BRWD1: variants seen among roughly 807,000 people sequenced by gnomAD.
BRWD1 encodes the protein bromodomain and WD repeat-containing protein 1.
In BRWD1, 82 loss-of-function variants were observed where a neutral mutation model predicts 251.2. The ratio of observed to expected loss-of-function variants is 0.33; its 90% confidence interval spans 0.27 to 0.39. The LOEUF is 0.39. Ranked by LOEUF, BRWD1 falls within the 10% of genes least tolerant of loss-of-function variation. The pLI, the probability that BRWD1 is intolerant of heterozygous loss-of-function variation, is 1.00. For synonymous variants in BRWD1, 918 were observed against 902.8 expected, an observed-to-expected ratio of 1.02 and a Z score of -0.30; for missense variants, 2,233 against 2,711.6, an observed-to-expected ratio of 0.82 and a Z score of 3.92.
intron 7 of BRWD1, among the ~76,000 whole-genome samples, chr21:39,294,364 A>C (rs1256450149): frequency 6.6e-6 from 1 of 152,202 alleles, no homozygotes; most frequent in Admixed American, 6.5e-5. Context: ...ACAATGGTTA[A>C]ATGTTAGTCT....
chr21:39,277,002 A>G (rs1398565119), intron 11 of BRWD1, among the ~76,000 whole-genome samples: 1 of 152,228 alleles, frequency 6.6e-6, no homozygotes, highest in Non-Finnish European at 1.5e-5. Context: ...ATCTCTAACA[A>G]TATTTTAACT....
In BRWD1 at chr21:39,196,942, T is replaced by G; in HGVS notation, c.6127A>C (p.Lys2043Gln). ...GATGTAACAGAGGAACTTTTTCTTT[T>G]AGAAGGTGCATCTATTTTGTGAATA... Reference protein sequence around the residue: ...TNIHKIDAPSKRKSSSVTSSG... With the variant: ...TNIHKIDAPSQRKSSSVTSSG... Residue 2043 changes from lysine to glutamine, a missense_variant, in exon 41 of 41, where the codon AAA (lysine) becomes CAA (glutamine). Physicochemically the swap from Lys to Gln is moderately conservative, Grantham distance 53. Transcript: ENST00000342449. The G allele has an allele frequency of 6.2e-7, 1 of 1,613,970 alleles. No homozygotes were observed. Among genetic ancestry groups the G allele is most frequent in the Non-Finnish European group, 8.5e-7 (1 of 1,179,928 alleles).
intron 14 of BRWD1, 79 bp downstream of exon 14, chr21:39,270,202 AAT>A: frequency 7.5e-7 from 1 of 1,336,170 alleles, no homozygotes; most frequent in Non-Finnish European, 1.0e-6. Context: ...CAACTTGTTC[AAT>A]ATATTATTTT....
intron 17 of BRWD1, among the ~76,000 whole-genome samples, chr21:39,261,317 A>G (rs1249337740): frequency 6.6e-6 from 1 of 152,170 alleles, no homozygotes; most frequent in Non-Finnish European, 1.5e-5. Flanking sequence ...GTTGCACAAA[A>G]ATTTGCAGAG....
At chr21:39,315,505 G>A (rs1351415058), upstream of BRWD1, among the ~76,000 whole-genome samples, 2 of 151,922 alleles carry the variant, frequency 1.3e-5, no homozygotes, top group Non-Finnish European at 2.9e-5. Context: ...GTGGCAGTGC[G>A]CGCCTCTAGT....
intron 4 of BRWD1, among the ~76,000 whole-genome samples, chr21:39,309,233 T>C (rs150349753): frequency 1.0e-3 from 156 of 150,652 alleles, no homozygotes; most frequent in African/African-American, 3.8e-3. Context: ...ATTCCAACTT[T>C]GGGAGGAGCA....
In BRWD1 at chr21:39,218,608, T is replaced by C; in HGVS notation, c.3435A>G (p.Leu1145=). 1.2e-6 allele frequency: 2 copies of C among 1,611,828 alleles called. No homozygotes were observed. Among genetic ancestry groups the C allele is most frequent in the Non-Finnish European group, 1.7e-6 (2 of 1,179,260 alleles). The change falls in exon 30 of 41, where the codon CTA becomes CTG. Residue 1145 remains leucine, a synonymous_variant. Coordinates refer to ENST00000342449, the MANE Select transcript of BRWD1 (RefSeq NM_033656.4). ...GASISVTTDE[L]EKLLYKPQAG... is the part of the protein sequence containing the mutation. The stretch of plus-strand genomic sequence containing the variant: ...CTTGTGGTTTATAGAGCAATTTCTC[T>C]AGCTCATCTGTTGTGACAGAAATAC...
Position 39,200,347 on chromosome 21 carries a change from G to A in BRWD1, c.4625C>T (p.Ser1542Leu), listed in dbSNP as rs1288341411. ...TTCCTCAGAACTACTGGAAGCTGAC[G>A]ATGACAAAGAGGTAGCTAAAGAATC... ...VEDSLATSLSSSASSSSEESK... is the reference protein window; with the variant it reads ...VEDSLATSLSLSASSSSEESK... The change falls in exon 39 of 41, where the codon TCG becomes TTG. Residue 1542 changes from serine (S) to leucine (L), a missense_variant. Ser to Leu is a moderately radical substitution (Grantham distance 145, BLOSUM62 -2). Transcript: ENST00000342449. 1.3e-5 allele frequency: 21 copies of A among 1,613,464 alleles called. No individual in the cohort carries two copies. The highest frequency in any genetic ancestry group is 1.7e-5 in the Non-Finnish European group (20 of 1,179,884).
rs368431919 is a variant in BRWD1 at position 39,203,420 on chromosome 21, C to T, written c.4365-875G>A. ...ACACCATGCACTCCAGCCTGGGCAA[C>T]AGAGCAAGACCCTGGTTCTTTTTTT... is the stretch of plus-strand genomic sequence containing the variant. On this transcript the variant is annotated intron_variant, in intron 37 of 40. Coordinates refer to ENST00000342449, the MANE Select transcript of BRWD1 (RefSeq NM_033656.4). Among the ~76,000 whole-genome samples, 338 of 140,242 alleles carry T rather than the reference C, an allele frequency of 2.4e-3. 2 individuals carry two copies. The highest frequency in any genetic ancestry group is 8.3e-3 in the African/African-American group (322 of 38,600). The allele number at this position is 140,242 out of a possible 152,430, so 92.0% of individuals were successfully genotyped here.
In BRWD1 at chr21:39,186,990, T is replaced by C. The variant is rs781348697; in HGVS notation, c.*9269A>G. 2 of 1,521,020 alleles carry C rather than the reference T, an allele frequency of 1.3e-6. No homozygotes were observed. Among genetic ancestry groups the C allele is most frequent in the Non-Finnish European group, 1.8e-6 (2 of 1,140,648 alleles). 94.2% of individuals were successfully genotyped at this position (1,521,020 alleles called of 1,614,324 possible). A position where few individuals can be genotyped will look rare whatever the true frequency, so the allele number is the denominator to read the frequency against. Reference sequence around the variant, plus strand: ...AACTGCCAGTTTACTTGTGTACCAATTGTTTTCAGATGCCACTTCTACATT... The same window carrying C: ...AACTGCCAGTTTACTTGTGTACCAACTGTTTTCAGATGCCACTTCTACATT... On this transcript the variant is annotated 3_prime_UTR_variant, in exon 41 of 41. Transcript: ENST00000342449.
chr21:39,308,483 A>T (rs1033344892), intron 4 of BRWD1, among the ~76,000 whole-genome samples: 1 of 3,308 alleles, frequency 3.0e-4, no homozygotes, highest in African/African-American at 1.3e-3. Flanking sequence ...CCTTGTCTCA[A>T]AAAAAAAAAA....
chr21:39,296,547 C>CA, intron 5 of BRWD1, 184 bp from the exon 6 acceptor site: 1 of 1,232,190 alleles, frequency 8.1e-7, no homozygotes, highest in Non-Finnish European at 1.0e-6. Context: ...TAAGACATCT[C>CA]AGATACAGCA....
Position 39,264,494 on chromosome 21 carries a change from T to G in BRWD1, c.1851A>C (p.Glu617Asp). The change falls in exon 17 of 41, where the codon GAA becomes GAC. Residue 617 changes from glutamate (E) to aspartate (D), a missense_variant. Coordinates refer to ENST00000342449, the MANE Select transcript of BRWD1 (RefSeq NM_033656.4). ...LVPGRENSAD[E>D]HLIPQLGYVA... Reference sequence around the variant, plus strand: ...CATAGCCCAGCTGTGGAATCAAATGTTCATCTGCAGAATTTTCTCGGCCTG... The same window carrying G: ...CATAGCCCAGCTGTGGAATCAAATGGTCATCTGCAGAATTTTCTCGGCCTG... 2.5e-6 allele frequency: 4 copies of G among 1,610,328 alleles called. No homozygotes were observed. The highest frequency in any genetic ancestry group is 3.4e-6 in the Non-Finnish European group (4 of 1,179,148).
rs2031986854 is a variant in BRWD1 at position 39,199,296 on chromosome 21, G to T, written c.5120C>A (p.Thr1707Asn). ...AGATTCATCAACATTGCTCTGGGCA[G>T]TGTGAGAACTGGACACTGGTAATAG... ...NQLLPVSSSH[T>N]AQSNVDESEN... Residue 1707 changes from threonine to asparagine, a missense_variant, in exon 40 of 41, where the codon ACT becomes AAT. By Grantham distance (65) the Thr-to-Asn change is moderately conservative. Around this residue, in one of 12 missense-constraint regions of BRWD1, gnomAD observed 928 missense variants for 970.0 expected, o/e 0.96. Coordinates refer to ENST00000342449, the MANE Select transcript of BRWD1 (RefSeq NM_033656.4). 6.2e-7 allele frequency: 1 copy of T among 1,614,210 alleles called. No homozygotes were observed. The highest frequency in any genetic ancestry group is 1.3e-5 in the African/African-American group (1 of 75,060).
At chr21:39,203,540 G>A (rs995225325) in intron 37 of BRWD1, among the ~76,000 whole-genome samples, 1 of 146,654 alleles carries the variant, frequency 6.8e-6, no homozygotes, top group Non-Finnish European at 1.5e-5. Flanking sequence ...CTGAGTAGCT[G>A]GGACTACAGG....
At chr21:39,232,046 C>T in intron 25 of BRWD1, 131 bp downstream of exon 25, 1 of 856,862 alleles carries the variant, frequency 1.2e-6, no homozygotes, top group South Asian at 1.6e-5. Context: ...GGTTTGGTTA[C>T]AGCAGAAATG....
At chr21:39,233,534 AAC>A (rs1021061312) in intron 23 of BRWD1, among the ~76,000 whole-genome samples, 1 of 152,124 alleles carries the variant, frequency 6.6e-6, no homozygotes, top group African/African-American at 2.4e-5. Flanking sequence ...ACGTAGCAAT[AAC>A]ACACACACAC....
rs973199538 is a variant in BRWD1 at position 39,194,553 on chromosome 21, T to A, written c.*1706A>T. ...TCTAAGCCACAAATGAGAGGAGGTT[T>A]CCCACCTATCTCAGTTGATAATGTC... On this transcript the variant is annotated 3_prime_UTR_variant, in exon 41 of 41. Coordinates refer to ENST00000342449, the MANE Select transcript of BRWD1 (RefSeq NM_033656.4). The A allele has an allele frequency of 1.6e-5, 23 of 1,446,750 alleles. No individual in the cohort carries two copies. In the African/African-American group the frequency reaches 2.9e-4, roughly 18 times the overall value. The allele number at this position is 1,446,750 out of a possible 1,614,324, so 89.6% of individuals were successfully genotyped here.
Position 39,194,886 on chromosome 21 carries a change from G to T in BRWD1, c.*1373C>A. 6.5e-7 allele frequency: 1 copy of T among 1,529,136 alleles called. No homozygotes were observed. The highest frequency in any genetic ancestry group is 1.4e-5 in the African/African-American group (1 of 72,872). The allele number at this position is 1,529,136 out of a possible 1,614,324, so 94.7% of individuals were successfully genotyped here. Reference sequence around the variant, plus strand: ...TTTTGTCTGAAATCAAACACAATTAGGGCTAATAAATAACTTACAGGTGGG... The same window carrying T: ...TTTTGTCTGAAATCAAACACAATTATGGCTAATAAATAACTTACAGGTGGG... On this transcript the variant is annotated 3_prime_UTR_variant, in exon 41 of 41. Transcript: ENST00000342449.
Sources: gnomAD v4.1 joint callset for allele counts (sites outside exome capture counted in the v4.1 genomes callset) on GRCh38, gnomAD v4.1.1 for gene constraint, gnomAD v4.1.1 regional missense constraint, MANE v1.5 for transcripts, NCBI Gene and HGNC (gene_info 2026-07-23, HGNC 2026-07-21) for gene names.